Variants in STK3 observed in about 807,000 individuals in gnomAD.
STK3 encodes serine/threonine-protein kinase 3.
Under a neutral mutation model 58.0 loss-of-function variants are expected in STK3, and 41 were observed. The ratio of observed to expected loss-of-function variants is 0.71; its 90% CI spans 0.55 to 0.92. The LOEUF is 0.92. STK3 is among the 40% of genes least tolerant of loss of function. STK3 has a pLI of 0.00. For synonymous variants in STK3, 170 were observed against 191.0 expected (o/e 0.89, Z 0.91); for missense variants, 479 against 602.7 (o/e 0.79, Z 2.15).
intron 1 of STK3, among the ~76,000 whole-genome samples, chr8:98,443,748 T>C (rs988731268): frequency 6.6e-6 from 1 of 152,090 alleles, no homozygotes; most frequent in Non-Finnish European, 1.5e-5. Flanking sequence ...TTCGGGTGAC[T>C]GAGGCAGGAA....
intron 1 of STK3, among the ~76,000 whole-genome samples, chr8:98,812,475 T>C (rs1050772054): frequency 6.6e-6 from 1 of 152,226 alleles, no homozygotes; most frequent in Non-Finnish European, 1.5e-5. Flanking sequence ...TGGAAGACTG[T>C]GTGGCAATTC....
At chr8:98,749,527 T>G in intron 3 of STK3, 137 bp from the exon 4 acceptor site, 1 of 456,100 alleles carries the variant, frequency 2.2e-6, no homozygotes, top group East Asian at 3.2e-5. Flanking sequence ...CACATCAAAT[T>G]CTCAATATCT....
chr8:98,672,609 A>T (rs2130850323), intron 6 of STK3, among the ~76,000 whole-genome samples: 1 of 152,264 alleles, frequency 6.6e-6, no homozygotes, highest in South Asian at 2.1e-4. Context: ...TTTTTCCTGT[A>T]CTCAAAGTTC....
intron 4 of STK3, among the ~76,000 whole-genome samples, chr8:98,716,971 C>T (rs1265389484): frequency 6.6e-6 from 1 of 151,930 alleles, no homozygotes; most frequent in African/African-American, 2.4e-5. Flanking sequence ...TATCCGTGTG[C>T]TAAAGAATAA....
chr8:98,553,574 AAAT>A (rs1426148861), intron 8 of STK3, among the ~76,000 whole-genome samples: 1 of 152,186 alleles, frequency 6.6e-6, no homozygotes, highest in East Asian at 1.9e-4. Context: ...TTGGGACAGG[AAAT>A]AATGCCATTA....
At chr8:98,523,512 T>C (rs1825525113) in intron 10 of STK3, among the ~76,000 whole-genome samples, 1 of 151,890 alleles carries the variant, frequency 6.6e-6, no homozygotes, top group African/African-American at 2.4e-5. Context: ...GTAGCTGGAA[T>C]TACAAGCATG....
chr8:98,441,738 A>G (rs893371615), intron 1 of STK3, among the ~76,000 whole-genome samples: 3 of 152,040 alleles, frequency 2.0e-5, no homozygotes, highest in Non-Finnish European at 4.4e-5. Flanking sequence ...TTCCAACTCC[A>G]TCTCATGCCT....
chr8:98,911,630 G>T (rs1839139036), intron 1 of STK3, among the ~76,000 whole-genome samples: 1 of 152,098 alleles, frequency 6.6e-6, no homozygotes, highest in Non-Finnish European at 1.5e-5. Flanking sequence ...TTGGCCTCAA[G>T]TGATCTGCCC....
intron 6 of STK3, chr8:98,597,855 C>T (rs532950622): frequency 1.0e-6 from 1 of 983,756 alleles, no homozygotes; most frequent in African/African-American, 1.8e-5. Context: ...AAACGAATAG[C>T]AAACAACTGA....
rs368308673 is a variant in STK3 at position 98,407,265 on chromosome 8, G to A, written n.484-5752C>T. Among the ~76,000 whole-genome samples, 180 of 152,308 alleles carry A rather than the reference G, an allele frequency of 1.2e-3. 2 individuals are homozygous for A. The highest frequency in any genetic ancestry group is 6.8e-3 in the Middle Eastern group (2 of 294). Reference sequence around the variant, plus strand: ...CCCTGGAGTCCAGCCTGGAAGAGGCGGCCACAGTGGTGACATCCTGTGATC... The same window carrying A: ...CCCTGGAGTCCAGCCTGGAAGAGGCAGCCACAGTGGTGACATCCTGTGATC... On this transcript the variant is annotated intron_variant and non_coding_transcript_variant, in intron 3 of 3. Coordinates refer to the STK3 transcript ENST00000517832.
At chr8:98,550,393 C>A (rs993104577) in intron 8 of STK3, among the ~76,000 whole-genome samples, 1 of 152,120 alleles carries the variant, frequency 6.6e-6, no homozygotes, top group Non-Finnish European at 1.5e-5. Flanking sequence ...TACGTAAATA[C>A]TTAAAGATGT....
chr8:98,551,857 T>A (rs1040231014), intron 8 of STK3, among the ~76,000 whole-genome samples: 6 of 152,118 alleles, frequency 3.9e-5, no homozygotes, highest in Non-Finnish European at 8.8e-5. Context: ...GTTCAATACA[T>A]ATTGACTTTT....
At chr8:98,584,595 G>C (rs1378357892) in intron 7 of STK3, among the ~76,000 whole-genome samples, 1 of 146,496 alleles carries the variant, frequency 6.8e-6, no homozygotes, top group South Asian at 2.2e-4. Flanking sequence ...ATGATTTATA[G>C]TCCTTTGGGT....
intron 6 of STK3, among the ~76,000 whole-genome samples, chr8:98,675,333 T>G (rs957932480): frequency 1.3e-5 from 2 of 152,190 alleles, no homozygotes; most frequent in Non-Finnish European, 2.9e-5. Flanking sequence ...TCAGCTAGCT[T>G]CCTGAAATGA....
chr8:98,838,509 A>T (rs2131801944), intron 3 of STK3, among the ~76,000 whole-genome samples: 1 of 152,282 alleles, frequency 6.6e-6, no homozygotes, highest in Non-Finnish European at 1.5e-5. Context: ...AAACAGGGCA[A>T]TGAGGCCTAG....
chr8:98,610,651 G>A (rs748408618), intron 6 of STK3, among the ~76,000 whole-genome samples: 3 of 152,134 alleles, frequency 2.0e-5, no homozygotes, highest in Non-Finnish European at 2.9e-5. Flanking sequence ...GAAGATGCCC[G>A]CATAGGCTCA....
chr8:98,839,922 CAAA>C (rs1835900958), intron 3 of STK3, among the ~76,000 whole-genome samples: 1 of 151,870 alleles, frequency 6.6e-6, no homozygotes, highest in Non-Finnish European at 1.5e-5. Context: ...ATACCGTCGA[CAAA>C]GAACTGTTGA....
chr8:98,827,378 T>C (rs1270886430), upstream of STK3, among the ~76,000 whole-genome samples: 1 of 152,194 alleles, frequency 6.6e-6, no homozygotes, highest in Admixed American at 6.5e-5. Flanking sequence ...TAGAGTTACA[T>C]AGAATTTTCT....
At chr8:98,845,105 T>C (rs1043889312) in intron 3 of STK3, among the ~76,000 whole-genome samples, 1 of 152,214 alleles carries the variant, frequency 6.6e-6, no homozygotes, top group African/African-American at 2.4e-5. Context: ...ATTCTATGGC[T>C]ACATCATGGC....
Sources: allele counts gnomAD v4.1 joint callset (sites outside exome capture counted in the v4.1 genomes callset), GRCh38; gene constraint gnomAD v4.1.1; transcripts MANE v1.5; gene names NCBI Gene and HGNC (gene_info 2026-07-23, HGNC 2026-07-21).